The following KLRG1 variants were observed in gnomAD, a reference collection of about 807,000 sequenced individuals.
KLRG1 encodes killer cell lectin like receptor G1.
A neutral mutation model predicts 21.8 loss-of-function variants in KLRG1; 16 were observed. The ratio of observed to expected loss-of-function variants is 0.73; its 90% CI spans 0.50 to 1.11. The LOEUF (loss-of-function observed/expected upper bound fraction) is 1.11, where lower values mean the gene tolerates loss of function less well. KLRG1 is among the 50% of genes most tolerant of loss of function. The pLI is 0.00. For synonymous variants in KLRG1, 69 were observed against 75.9 expected, an observed-to-expected ratio of 0.91 and a Z score of 0.47; for missense variants, 173 against 218.3, an observed-to-expected ratio of 0.79 and a Z score of 1.31.
the KLRG1 span, among the ~76,000 whole-genome samples, chr12:9,132,371 C>T: frequency 2.0e-5 from 3 of 152,178 alleles, no homozygotes; most frequent in Non-Finnish European, 4.4e-5. Context: ...AAACAACATA[C>T]AGTGTTAAGT....
the KLRG1 span, chr12:9,115,711 C>G: frequency 7.4e-7 from 1 of 1,360,230 alleles, no homozygotes; most frequent in South Asian, 1.2e-5. Context: ...GAAAAATCTG[C>G]AATAAATGAA....
the KLRG1 span, among the ~76,000 whole-genome samples, chr12:9,207,498 G>A: frequency 6.6e-6 from 1 of 152,210 alleles, no homozygotes; most frequent in South Asian, 2.1e-4. Context: ...GGATGCAAAG[G>A]TAGGAGTTCT....
At chr12:9,070,440 A>G in the KLRG1 span, 2 of 1,244,084 alleles carry the variant, frequency 1.6e-6, no homozygotes, top group Non-Finnish European at 2.4e-6. Context: ...CTGGGGATAC[A>G]TACATCATTA....
the KLRG1 span, among the ~76,000 whole-genome samples, chr12:9,136,329 C>G: frequency 6.6e-6 from 1 of 152,096 alleles, no homozygotes; most frequent in Non-Finnish European, 1.5e-5. Flanking sequence ...AAAGTATTTT[C>G]ATCTATTTTG....
the KLRG1 span, among the ~76,000 whole-genome samples, chr12:9,144,973 T>G: frequency 6.6e-6 from 1 of 152,234 alleles, no homozygotes; most frequent in African/African-American, 2.4e-5. Flanking sequence ...TCCAAGATGA[T>G]GATACTCCTG....
chr12:9,060,273 T>C, the KLRG1 span, among the ~76,000 whole-genome samples: 3 of 151,808 alleles, frequency 2.0e-5, no homozygotes, highest in Admixed American at 2.0e-4. Flanking sequence ...CTGCCCACCT[T>C]GGCCTCCCAA....
chr12:8,992,162 C>A, intron 1 of KLRG1, 44 bp from the exon 2 acceptor site: 1 of 1,506,558 alleles, frequency 6.6e-7, no homozygotes, highest in Non-Finnish European at 9.1e-7. Flanking sequence ...TTTCTTTCAA[C>A]CTGTCATCTG....
chr12:9,056,286 A>AT, the KLRG1 span, among the ~76,000 whole-genome samples: 2 of 152,162 alleles, frequency 1.3e-5, no homozygotes, highest in Non-Finnish European at 2.9e-5. Context: ...CACTGGGGAA[A>AT]TATATAGACA....
At chr12:9,177,425 G>A in the KLRG1 span, among the ~76,000 whole-genome samples, 2 of 152,130 alleles carry the variant, frequency 1.3e-5, no homozygotes, top group Non-Finnish European at 2.9e-5. Context: ...CATGTTAATC[G>A]CAACCAGGGC....
the KLRG1 span, among the ~76,000 whole-genome samples, chr12:9,180,053 G>A: frequency 1.3e-5 from 2 of 152,144 alleles, no homozygotes; most frequent in Admixed American, 6.5e-5. Flanking sequence ...ATATGAGACA[G>A]CTTGAGAAAC....
chr12:9,106,185 CT>C, the KLRG1 span: 1 of 1,065,246 alleles, frequency 9.4e-7, no homozygotes. Flanking sequence ...AACTATTGTG[CT>C]AATTAGGTAA....
chr12:9,149,510 G>T, the KLRG1 span: 1 of 1,530,102 alleles, frequency 6.5e-7, no homozygotes, highest in Non-Finnish European at 8.9e-7. Context: ...AGGGGCCCTT[G>T]GAGAGTGGGT....
chr12:9,152,294 G>A, the KLRG1 span: 1 of 1,612,892 alleles, frequency 6.2e-7, no homozygotes, highest in African/African-American at 1.3e-5. Flanking sequence ...TTGGAAGCAG[G>A]ACGGTTTCCT....
chr12:9,097,050 C>CT, the KLRG1 span, among the ~76,000 whole-genome samples: 1 of 152,162 alleles, frequency 6.6e-6, no homozygotes, highest in South Asian at 2.1e-4. Context: ...AAAGCTTCTG[C>CT]TTTATTATTA....
chr12:9,025,656 T>C, the KLRG1 span, among the ~76,000 whole-genome samples: 1 of 152,000 alleles, frequency 6.6e-6, no homozygotes, highest in Admixed American at 6.6e-5. Context: ...CCAAAAAATA[T>C]GCATGTGAGA....
chr12:9,001,129 T>C (rs1378819940), intron 3 of KLRG1, among the ~76,000 whole-genome samples: 1 of 152,212 alleles, frequency 6.6e-6, no homozygotes, highest in East Asian at 1.9e-4. Context: ...TTTCAAGTAA[T>C]ATGCTCTATA....
the KLRG1 span, among the ~76,000 whole-genome samples, chr12:9,021,778 T>A: frequency 6.6e-6 from 1 of 152,178 alleles, no homozygotes; most frequent in Non-Finnish European, 1.5e-5. Context: ...AGTATCACTG[T>A]CTTCCACCTC....
the KLRG1 span, chr12:9,203,744 G>A: frequency 1.2e-6 from 2 of 1,612,920 alleles, no homozygotes; most frequent in African/African-American, 2.7e-5. Flanking sequence ...AGCAGGGATA[G>A]CCAGCTGGCA....
chr12:8,960,060 G>T (rs1946357986), intron 1 of KLRG1, among the ~76,000 whole-genome samples: 1 of 152,176 alleles, frequency 6.6e-6, no homozygotes, highest in African/African-American at 2.4e-5. Context: ...GGCAAACTGG[G>T]AAAATATATG....
Sources: gnomAD v4.1 joint callset for allele counts (sites outside exome capture counted in the v4.1 genomes callset) on GRCh38, gnomAD v4.1.1 for gene constraint, MANE v1.5 for transcripts, NCBI Gene and HGNC (gene_info 2026-07-23, HGNC 2026-07-21) for gene names.